Variants in CNNM4 observed in about 807,000 individuals in gnomAD.
CNNM4 encodes the protein cyclin and CBS domain divalent metal cation transport mediator 4.
CNNM4 carries 32 observed loss-of-function variants against 53.7 expected under a neutral mutation model. The ratio of observed to expected loss-of-function variants is 0.60; its 90% confidence interval spans 0.45 to 0.80. The LOEUF (loss-of-function observed/expected upper bound fraction) is 0.80. CNNM4 is among the 30% of genes least tolerant of loss of function. The pLI, the probability that CNNM4 is intolerant of heterozygous loss-of-function variation, is 0.00. For missense variants in CNNM4, 784 were observed against 1,022.0 expected (o/e 0.77, Z 3.17); for synonymous variants, 410 against 440.0 (o/e 0.93, Z 0.85).
chr2:96,777,006 T>C (rs950802961), intron 1 of CNNM4, among the ~76,000 whole-genome samples: 1 of 152,176 alleles, frequency 6.6e-6, no homozygotes, highest in African/African-American at 2.4e-5. Context: ...TTTTTATTTG[T>C]GTCTTAACTG....
chr2:96,793,035 A>G (rs1010803378), intron 1 of CNNM4, among the ~76,000 whole-genome samples: 21 of 152,100 alleles, frequency 1.4e-4, no homozygotes, highest in African/African-American at 4.6e-4. Flanking sequence ...TTGTATTTAA[A>G]GTTGCTAGGC....
At chr2:96,783,408 C>A (rs549088646) in intron 1 of CNNM4, among the ~76,000 whole-genome samples, 2 of 152,320 alleles carry the variant, frequency 1.3e-5, no homozygotes, top group South Asian at 4.1e-4. Context: ...GGACCCCCTG[C>A]ACCTCCTGGC....
chr2:96,806,426 C>G (rs2678385), intron 5 of CNNM4, among the ~76,000 whole-genome samples: 1 of 151,174 alleles, frequency 6.6e-6, no homozygotes, highest in Non-Finnish European at 1.5e-5. Flanking sequence ...AAGACCTTAC[C>G]AGGTCCCTCT....
chr2:96,808,730 G>A lies in CNNM4; in HGVS notation c.2118G>A (p.Leu706=), dbSNP rs2079230339. The change falls in exon 6 of 7, where the codon TTG becomes TTA. Residue 706 remains leucine (L), a synonymous_variant. Transcript: ENST00000377075. The surrounding 1 kb of genome is among the most constrained non-coding windows in gnomAD (Gnocchi z 4.9). The part of the protein sequence containing the change: ...SDFSVRALVD[L]QYIKITRQQY... Reference sequence around the variant, plus strand: ...TCAGCGTCCGGGCACTCGTGGACTTGCAGTACATCAAGGTGAGTGCCTCAC... The same window carrying A: ...TCAGCGTCCGGGCACTCGTGGACTTACAGTACATCAAGGTGAGTGCCTCAC... The A allele has an allele frequency of 1.2e-6, 2 of 1,614,040 alleles. No homozygotes were observed. The highest frequency in any genetic ancestry group is 2.7e-5 in the African/African-American group (2 of 74,924).
intron 1 of CNNM4, among the ~76,000 whole-genome samples, chr2:96,766,331 T>C (rs1433606875): frequency 6.6e-6 from 1 of 152,162 alleles, no homozygotes. Flanking sequence ...CACCTCGGCC[T>C]CCCAAAGTGC....
chr2:96,782,925 G>A (rs1392349381), intron 1 of CNNM4, among the ~76,000 whole-genome samples: 2 of 152,096 alleles, frequency 1.3e-5, no homozygotes, highest in African/African-American at 4.8e-5. Flanking sequence ...AGTGGTCCAC[G>A]CTGGGAATGG....
intron 5 of CNNM4, among the ~76,000 whole-genome samples, chr2:96,804,963 C>T (rs1306490037): frequency 1.3e-5 from 2 of 151,672 alleles, no homozygotes; most frequent in East Asian, 3.9e-4. Context: ...TTCAAACCAG[C>T]CGAGGTAACA....
Position 96,806,533 on chromosome 2 carries a change from A to ACGCG in CNNM4, c.1949-2027_1949-2026insGCGC, listed in dbSNP as rs745997640. 6.0e-3 allele frequency among the ~76,000 whole-genome samples: 828 copies of ACGCG among 138,506 alleles called. 6 individuals are homozygous for ACGCG. The highest frequency in any genetic ancestry group is 0.023 in the Middle Eastern group (6 of 258). The allele number at this position is 138,506 out of a possible 152,430, so 90.9% of individuals were successfully genotyped here. Reference sequence around the variant, plus strand: ...CACACACACACACACACACACACACACACGCGCGCGCGCGCGCGCGCCCTT... The same window carrying ACGCG: ...CACACACACACACACACACACACACACGCGCACGCGCGCGCGCGCGCGCGCCCTT... On this transcript the variant is annotated intron_variant, in intron 5 of 6. Coordinates refer to ENST00000377075, the MANE Select transcript of CNNM4 (RefSeq NM_020184.4).
intron 1 of CNNM4, among the ~76,000 whole-genome samples, chr2:96,779,960 A>C (rs1009791777): frequency 6.6e-6 from 1 of 151,728 alleles, no homozygotes; most frequent in Non-Finnish European, 1.5e-5. Flanking sequence ...GTGCCACCAC[A>C]CCCAGCTAAT....
In CNNM4 at chr2:96,808,774, C is replaced by A; in HGVS notation, c.2130+32C>A. On this transcript the variant is annotated intron_variant, in intron 6 of 6. Transcript: ENST00000377075. This position sits in a 1 kb window ranked among gnomAD's most constrained non-coding sequence, Gnocchi z 4.9. ...GCCTCACTGCCCTGTCTGGGCAGTG[C>A]TATCTTCTGCTCAGGAATCAGCTAC... The A allele has an allele frequency of 6.3e-7, 1 of 1,591,100 alleles. No homozygotes were observed. The highest frequency in any genetic ancestry group is 8.6e-7 in the Non-Finnish European group (1 of 1,159,238).
Position 96,808,487 on chromosome 2 carries a change from G to A in CNNM4, c.1949-74G>A. 1 of 1,520,958 alleles carries A rather than the reference G, an allele frequency of 6.6e-7. No individual in the cohort carries two copies. The highest frequency in any genetic ancestry group is 2.3e-5 in the East Asian group (1 of 43,900). 94.2% of individuals were successfully genotyped at this position (1,520,958 alleles called of 1,614,324 possible). A position where few individuals can be genotyped will look rare whatever the true frequency, so the allele number is the denominator to read the frequency against. ...GTGGGGTGTCCCTGGGCTTCCATGGGATGAGGTGAGACATGAGGGTGAGAG... is the reference window on the plus strand; with the variant it reads ...GTGGGGTGTCCCTGGGCTTCCATGGAATGAGGTGAGACATGAGGGTGAGAG... On this transcript the variant is annotated intron_variant, in intron 5 of 6. Coordinates refer to ENST00000377075, the MANE Select transcript of CNNM4 (RefSeq NM_020184.4). The surrounding 1 kb of genome is among the most constrained non-coding windows in gnomAD (Gnocchi z 4.9).
chr2:96,772,448 A>G (rs1480085955), intron 1 of CNNM4, among the ~76,000 whole-genome samples: 6 of 97,988 alleles, frequency 6.1e-5, no homozygotes, highest in African/African-American at 2.5e-4. Flanking sequence ...ACACACTCAT[A>G]CCCCCACATA....
Position 96,809,706 on chromosome 2 carries a change from G to C in CNNM4, c.*189G>C. 1.7e-6 allele frequency: 1 copy of C among 588,316 alleles called. No homozygotes were observed. Among genetic ancestry groups the C allele is most frequent in the South Asian group, 2.3e-5 (1 of 44,120 alleles). 36.4% of individuals were successfully genotyped at this position (588,316 alleles called of 1,614,324 possible). On this transcript the variant is annotated 3_prime_UTR_variant, in exon 7 of 7. Transcript: ENST00000377075. The stretch of plus-strand genomic sequence containing the variant: ...CTCTGAGTAGCTCTGAGGTGGCACT[G>C]TCCAGCCCTGGATAGGGGGGGCAGT...
chr2:96,807,130 C>T (rs2079216752), intron 5 of CNNM4, among the ~76,000 whole-genome samples: 1 of 152,210 alleles, frequency 6.6e-6, no homozygotes, highest in African/African-American at 2.4e-5. Flanking sequence ...CCCACCTCAG[C>T]CACCCAAGGA....
At chr2:96,772,365 TCA>T (rs1218013573) in intron 1 of CNNM4, among the ~76,000 whole-genome samples, 1 of 126,524 alleles carries the variant, frequency 7.9e-6, no homozygotes, top group Non-Finnish European at 1.6e-5. Context: ...AGGCAGGTGC[TCA>T]CACACACGTG....
Position 96,809,712 on chromosome 2 carries a change from C to T in CNNM4, c.*195C>T, listed in dbSNP as rs2079241024. On this transcript the variant is annotated 3_prime_UTR_variant, in exon 7 of 7. Coordinates refer to ENST00000377075, the MANE Select transcript of CNNM4 (RefSeq NM_020184.4). The stretch of plus-strand genomic sequence containing the variant: ...GTAGCTCTGAGGTGGCACTGTCCAG[C>T]CCTGGATAGGGGGGGCAGTGGGCCA... The T allele has an allele frequency of 1.8e-6, 1 of 555,142 alleles. No homozygotes were observed. Among genetic ancestry groups the T allele is most frequent in the South Asian group, 2.7e-5 (1 of 36,370 alleles). 34.4% of individuals were successfully genotyped at this position (555,142 alleles called of 1,614,324 possible). A position where few individuals can be genotyped will look rare whatever the true frequency, so the allele number is the denominator to read the frequency against.
chr2:96,797,733 G>T lies in CNNM4; in HGVS notation c.1681+86G>T. ...GTTTCCGGCTGCTTTCCCCCCATAG[G>T]ACGAGGGCTGCAGCAGGTGAGGGGT... On this transcript the variant is annotated intron_variant, in intron 3 of 6. Transcript: ENST00000377075. The surrounding 1 kb of genome is among the most constrained non-coding windows in gnomAD (Gnocchi z 6.0). The T allele has an allele frequency of 1.3e-6, 2 of 1,567,886 alleles. No individual in the cohort carries two copies.
rs543516169 is a variant in CNNM4, at chr2:96,800,359, G to T, written c.1948+711G>T. ...CGGTCCTGGGGCGAGGTTGCTGCAG[G>T]GTAGAGAGAGAAAGTCCACTTTGGT... On this transcript the variant is annotated intron_variant, in intron 5 of 6. Transcript: ENST00000377075. This position sits in a 1 kb window ranked among gnomAD's most constrained non-coding sequence, Gnocchi z 4.6. Among the ~76,000 whole-genome samples, 181 of 152,338 alleles carry T rather than the reference G, an allele frequency of 1.2e-3. No homozygotes were observed. Among genetic ancestry groups the T allele is most frequent in the African/African-American group, 4.2e-3 (173 of 41,574 alleles).
At chr2:96,799,466 T>C (rs2153349789) in intron 4 of CNNM4, 86 bp from the exon 5 acceptor site, 2 of 1,273,326 alleles carry the variant, frequency 1.6e-6, no homozygotes, top group South Asian at 1.3e-5. Context: ...CCTGCCCCAC[T>C]GTCCCTTGTT....
Sources: allele counts gnomAD v4.1 joint callset (sites outside exome capture counted in the v4.1 genomes callset), GRCh38; gene constraint gnomAD v4.1.1; non-coding constraint Gnocchi (gnomAD v3.1); transcripts MANE v1.5; gene names NCBI Gene and HGNC (gene_info 2026-07-23, HGNC 2026-07-21).